CUX2: variants seen among roughly 807,000 people sequenced by gnomAD.
The protein encoded by CUX2 is cut like homeobox 2, also known as homeobox protein cut-like 2.
CUX2 carries 40 observed loss-of-function variants against 144.8 expected under a neutral mutation model. The observed-to-expected ratio is 0.28, with a 90% confidence interval of 0.21 to 0.36. The LOEUF (loss-of-function observed/expected upper bound fraction) is 0.36, where lower values mean the gene tolerates loss of function less well. Among genes scored for constraint, CUX2 ranks in the 10% least tolerant of loss-of-function variants. CUX2 has a pLI of 1.00. For synonymous variants in CUX2, 827 were observed against 875.6 expected, an observed-to-expected ratio of 0.94 and a Z score of 0.98; for missense variants, 1,615 against 1,994.0, an observed-to-expected ratio of 0.81 and a Z score of 3.62.
intron 1 of CUX2, among the ~76,000 whole-genome samples, chr12:111,203,046 A>G (rs914388596): frequency 1.3e-5 from 2 of 152,114 alleles, no homozygotes; most frequent in South Asian, 2.1e-4. Context: ...AGACTGGCCA[A>G]TGTGGTGAAA....
intron 1 of CUX2, among the ~76,000 whole-genome samples, chr12:111,045,856 G>C (rs771642566): frequency 1.1e-4 from 16 of 152,216 alleles, no homozygotes; most frequent in Non-Finnish European, 2.1e-4. Flanking sequence ...ATTTGATGCA[G>C]AGCCCATAAC....
intron 1 of CUX2, among the ~76,000 whole-genome samples, chr12:111,101,226 G>C (rs575447961): frequency 3.5e-4 from 53 of 152,252 alleles, no homozygotes; most frequent in Non-Finnish European, 5.9e-4. Flanking sequence ...GGTGCCCCAG[G>C]ATTGGTTCCT....
chr12:111,291,516 T>G lies in CUX2; in HGVS notation c.400T>G (p.Ser134Ala), dbSNP rs745405457. The G allele has an allele frequency of 2.8e-5, 45 of 1,611,326 alleles. No homozygotes were observed. Among genetic ancestry groups the G allele is most frequent in the Admixed American group, 5.0e-5 (3 of 59,704 alleles). ...SGQPRRDLHT[S>A]WKRNPELLSP... is the part of the protein sequence containing the mutation. ...GCAGCCCCGGCGAGACCTCCACACT[T>G]CGTGGAAGAGGAACCCCGAGCTCCT... Residue 134 changes from serine to alanine, a missense_variant, in exon 5 of 22, where the codon TCG becomes GCG. Physicochemically the swap from Ser to Ala is moderately conservative, Grantham distance 99 (BLOSUM62 1). This residue lies in a region of CUX2 where 295 missense variants were observed against 400.2 expected (regional missense o/e 0.74). Transcript: ENST00000261726.
At chr12:111,088,845 G>A (rs1872393947) in intron 1 of CUX2, among the ~76,000 whole-genome samples, 1 of 152,182 alleles carries the variant, frequency 6.6e-6, no homozygotes, top group Admixed American at 6.5e-5. Flanking sequence ...GTCCGACCGG[G>A]CAGCTGGGTG....
In CUX2 at chr12:111,098,256, C is replaced by T. The variant is rs187770535; in HGVS notation, c.63+64016C>T. Among the ~76,000 whole-genome samples, 102 of 152,188 alleles carry T rather than the reference C, an allele frequency of 6.7e-4. 1 individual carries two copies. The East Asian group carries it at 0.016, about 24-fold the overall frequency. ...CTCTACTAAAACTATAAAAATTAACCGGGTGTGGTGGTGCCTGCCTGTAAT... is the reference window on the plus strand; with the variant it reads ...CTCTACTAAAACTATAAAAATTAACTGGGTGTGGTGGTGCCTGCCTGTAAT... On this transcript the variant is annotated intron_variant, in intron 1 of 21. Coordinates refer to ENST00000261726, the MANE Select transcript of CUX2 (RefSeq NM_015267.4).
intron 1 of CUX2, among the ~76,000 whole-genome samples, chr12:111,122,469 T>C (rs1874750061): frequency 6.6e-6 from 1 of 152,172 alleles, no homozygotes; most frequent in Non-Finnish European, 1.5e-5. Context: ...AGGGGAAGGA[T>C]GTTTCATCAA....
At chr12:111,130,525 C>T (rs1875401423) in intron 1 of CUX2, among the ~76,000 whole-genome samples, 1 of 152,216 alleles carries the variant, frequency 6.6e-6, no homozygotes, top group Admixed American at 6.5e-5. Context: ...AATTCAGTGA[C>T]CTCAGTTCCC....
intron 1 of CUX2, among the ~76,000 whole-genome samples, chr12:111,045,208 C>T (rs1271224391): frequency 1.3e-5 from 2 of 152,192 alleles, no homozygotes; most frequent in Admixed American, 1.3e-4. Context: ...GGTTGAAGGG[C>T]TTTCTTTCCC....
rs116630506 is a variant in CUX2 at position 111,226,923 on chromosome 12, C to T, written c.222+8986C>T. On this transcript the variant is annotated intron_variant, in intron 3 of 21. Coordinates refer to ENST00000261726, the MANE Select transcript of CUX2 (RefSeq NM_015267.4). ...ATGGACTGCATTATGGAAGGCCGTG[C>T]GGGGCCAGTCGGTGGGGAGATAAGG... Among the ~76,000 whole-genome samples, 1,310 of 152,314 alleles carry T rather than the reference C, an allele frequency of 8.6e-3. 20 individuals are homozygous for T. The highest frequency in any genetic ancestry group is 0.03 in the African/African-American group (1,249 of 41,566).
At chr12:111,148,729 C>T (rs1049247686) in intron 1 of CUX2, among the ~76,000 whole-genome samples, 2 of 152,124 alleles carry the variant, frequency 1.3e-5, no homozygotes, top group African/African-American at 4.8e-5. Context: ...GGCCCGGTGG[C>T]TTACACCTGT....
At position 111,279,986 on chromosome 12, in the gene CUX2, TAAAC is replaced by T. The variant is rs879589749; in HGVS notation, c.302-11421_302-11418del. On this transcript the variant is annotated intron_variant, in intron 4 of 21. Coordinates refer to ENST00000261726, the MANE Select transcript of CUX2 (RefSeq NM_015267.4). Reference sequence around the variant, plus strand: ...AAAGAGCGAGACTCCGTCTCAAAAATAAACAAACAAACAAGGACCAGGCGCAGTG... The same window carrying T: ...AAAGAGCGAGACTCCGTCTCAAAAATAAACAAACAAGGACCAGGCGCAGTG... Among the ~76,000 whole-genome samples, 15 of 144,962 alleles carry T rather than the reference TAAAC, an allele frequency of 1.0e-4. No individual in the cohort carries two copies. In the East Asian group the frequency reaches 1.3e-3, roughly 12 times the overall value.
intron 1 of CUX2, among the ~76,000 whole-genome samples, chr12:111,081,330 G>T (rs1871874373): frequency 6.6e-6 from 1 of 152,100 alleles, no homozygotes; most frequent in African/African-American, 2.4e-5. Flanking sequence ...GTTTCTGTTT[G>T]GGAGGGGAAG....
intron 4 of CUX2, among the ~76,000 whole-genome samples, chr12:111,274,980 AACC>A (rs1186836854): frequency 6.6e-6 from 1 of 152,112 alleles, no homozygotes; most frequent in Non-Finnish European, 1.5e-5. Context: ...AACAAAAAAA[AACC>A]ACCAATAGCA....
chr12:111,059,690 A>T lies in CUX2; in HGVS notation c.63+25450A>T, dbSNP rs534200631. Reference sequence around the variant, plus strand: ...GGAGGTGGGATTGTTTTCTAAAGATAGAGCCCCTTAGATATAGGAGGAGGG... The same window carrying T: ...GGAGGTGGGATTGTTTTCTAAAGATTGAGCCCCTTAGATATAGGAGGAGGG... On this transcript the variant is annotated intron_variant, in intron 1 of 21. Coordinates refer to ENST00000261726, the MANE Select transcript of CUX2 (RefSeq NM_015267.4). The surrounding 1 kb of genome is among the most constrained non-coding windows in gnomAD (Gnocchi z 5.3). Among the ~76,000 whole-genome samples the T allele has an allele frequency of 6.6e-6, 1 of 152,144 alleles. No homozygotes were observed. The highest frequency in any genetic ancestry group is 2.4e-5 in the African/African-American group (1 of 41,492).
Position 111,263,644 on chromosome 12 carries a change from A to G in CUX2, c.223-117A>G. ...TCTCTCAAAAACAAAACAAAACAAA[A>G]CAAAACAAAACAAAAAACCTGCAGA... On this transcript the variant is annotated intron_variant, in intron 3 of 21. Transcript: ENST00000261726. The surrounding 1 kb of genome is among the most constrained non-coding windows in gnomAD (Gnocchi z 4.0). The G allele has an allele frequency of 1.2e-6, 1 of 868,716 alleles. No individual in the cohort carries two copies. Among genetic ancestry groups the G allele is most frequent in the East Asian group, 2.4e-5 (1 of 41,256 alleles). 53.8% of individuals were successfully genotyped at this position (868,716 alleles called of 1,614,324 possible).
intron 9 of CUX2, among the ~76,000 whole-genome samples, chr12:111,301,496 G>A (rs1408552410): frequency 6.6e-6 from 1 of 152,014 alleles, no homozygotes; most frequent in Non-Finnish European, 1.5e-5. Flanking sequence ...ATCTCTGGAG[G>A]GGGAGGTAAG....
chr12:111,304,203 T>C lies in CUX2; in HGVS notation c.754-7T>C. On this transcript the variant is annotated splice_polypyrimidine_tract_variant and splice_region_variant and intron_variant, in intron 9 of 21. Transcript: ENST00000261726. This position sits in a 1 kb window ranked among gnomAD's most constrained non-coding sequence, Gnocchi z 4.7. ...ACCTCTCGCCCACACTGTCCCCTTC[T>C]CCCCAGCGAGCTGAGGCTGCCCAGC... 1 of 1,610,324 alleles carries C rather than the reference T, an allele frequency of 6.2e-7. No homozygotes were observed. Among genetic ancestry groups the C allele is most frequent in the African/African-American group, 1.3e-5 (1 of 74,996 alleles).
intron 1 of CUX2, among the ~76,000 whole-genome samples, chr12:111,038,947 C>CT (rs1869598881): frequency 6.6e-6 from 1 of 151,024 alleles, no homozygotes; most frequent in Non-Finnish European, 1.5e-5. Context: ...CTTTCTTTTA[C>CT]TTTTTTCCTT....
intron 1 of CUX2, among the ~76,000 whole-genome samples, chr12:111,049,615 C>T (rs188484623): frequency 2.2e-4 from 34 of 152,292 alleles, no homozygotes; most frequent in South Asian, 6.2e-4. Context: ...AGACTTGAGA[C>T]GTGTAGTTCT....
Sources: gnomAD v4.1 joint callset for allele counts (sites outside exome capture counted in the v4.1 genomes callset) on GRCh38, gnomAD v4.1.1 for gene constraint, gnomAD v4.1.1 regional missense constraint, Gnocchi (gnomAD v3.1) non-coding constraint, MANE v1.5 for transcripts, NCBI Gene and HGNC (gene_info 2026-07-23, HGNC 2026-07-21) for gene names.